Variants in TMEM132D observed in about 807,000 individuals in gnomAD.
The protein encoded by TMEM132D is transmembrane protein 132D.
A neutral mutation model predicts 62.3 loss-of-function variants in TMEM132D; 21 were observed. The ratio of observed to expected loss-of-function variants is 0.34; its 90% CI spans 0.24 to 0.49. TMEM132D has a LOEUF of 0.49. Ranked by LOEUF, TMEM132D falls within the 20% of genes least tolerant of loss-of-function variation. The pLI is 0.99. For synonymous variants in TMEM132D, 621 were observed against 575.6 expected (o/e 1.08, Z -1.13); for missense variants, 1,346 against 1,402.8 (o/e 0.96, Z 0.65).
chr12:129,536,827 C>G (rs1488675258), intron 2 of TMEM132D, among the ~76,000 whole-genome samples: 1 of 152,170 alleles, frequency 6.6e-6, no homozygotes, highest in Non-Finnish European at 1.5e-5. Context: ...TGATATGTTT[C>G]CAACTTCTTT....
chr12:129,286,865 T>A (rs892753970), intron 4 of TMEM132D, among the ~76,000 whole-genome samples: 1 of 152,088 alleles, frequency 6.6e-6, no homozygotes, highest in Non-Finnish European at 1.5e-5. Flanking sequence ...CAGGCCAACA[T>A]GGTGAAACCC....
intron 3 of TMEM132D, among the ~76,000 whole-genome samples, chr12:129,351,624 A>G (rs1869864752): frequency 6.6e-6 from 1 of 152,206 alleles, no homozygotes; most frequent in Admixed American, 6.5e-5. Context: ...CCATTGCTGC[A>G]CTATCAGTCA....
At chr12:129,363,688 A>C (rs1224027043) in intron 3 of TMEM132D, among the ~76,000 whole-genome samples, 1 of 152,210 alleles carries the variant, frequency 6.6e-6, no homozygotes, top group Non-Finnish European at 1.5e-5. Flanking sequence ...ATCAATACAT[A>C]ATTGTGTTTC....
At chr12:129,403,647 C>A (rs1261572545) in intron 3 of TMEM132D, among the ~76,000 whole-genome samples, 1 of 152,030 alleles carries the variant, frequency 6.6e-6, no homozygotes, top group Non-Finnish European at 1.5e-5. Flanking sequence ...CTACTTTGTG[C>A]CAGGGAAGAA....
At chr12:129,474,080 C>T (rs1012939128) in intron 3 of TMEM132D, among the ~76,000 whole-genome samples, 1 of 152,136 alleles carries the variant, frequency 6.6e-6, no homozygotes, top group African/African-American at 2.4e-5. Flanking sequence ...CTTTCTGTAA[C>T]CCTTCGCCTC....
At chr12:129,285,198 G>T (rs1881258280) in intron 4 of TMEM132D, among the ~76,000 whole-genome samples, 1 of 152,070 alleles carries the variant, frequency 6.6e-6, no homozygotes, top group Non-Finnish European at 1.5e-5. Flanking sequence ...AGACCATCAT[G>T]CAGAAGCAAA....
intron 4 of TMEM132D, among the ~76,000 whole-genome samples, chr12:129,328,179 G>T (rs1868980028): frequency 6.6e-6 from 1 of 152,206 alleles, no homozygotes. Flanking sequence ...TTCCCTCCAT[G>T]ATACCCTGTT....
intron 2 of TMEM132D, among the ~76,000 whole-genome samples, chr12:129,659,950 C>A (rs1050025835): frequency 4.6e-5 from 7 of 152,150 alleles, no homozygotes; most frequent in Non-Finnish European, 1.0e-4. Context: ...CCAGGAGGCA[C>A]TGATGCAGAA....
chr12:129,628,408 C>G (rs1430329889), intron 2 of TMEM132D, among the ~76,000 whole-genome samples: 2 of 152,176 alleles, frequency 1.3e-5, no homozygotes, highest in Admixed American at 6.5e-5. Flanking sequence ...AGCCAGGACA[C>G]CTGGGATGTC....
In TMEM132D at chr12:129,269,419, C is replaced by T. The variant is rs534608490; in HGVS notation, c.1300-59756G>A. On this transcript the variant is annotated intron_variant, in intron 4 of 8. Coordinates refer to ENST00000422113, the MANE Select transcript of TMEM132D (RefSeq NM_133448.3). ...TCCCTTCCCCTTCCCTTCCTTCTTC[C>T]TTCCTTCCATCTCCCCTGTTAGATT... 3.6e-4 allele frequency among the ~76,000 whole-genome samples: 55 copies of T among 152,098 alleles called. 1 individual carries two copies. Among genetic ancestry groups the T allele is most frequent in the African/African-American group, 1.3e-3 (52 of 41,474 alleles).
At chr12:129,226,470 G>C (rs1281611645) in intron 4 of TMEM132D, among the ~76,000 whole-genome samples, 1 of 152,206 alleles carries the variant, frequency 6.6e-6, no homozygotes, top group Non-Finnish European at 1.5e-5. Context: ...ACCAGACCTT[G>C]GCCCAGACAA....
At chr12:129,514,958 G>T (rs1052314904) in intron 3 of TMEM132D, among the ~76,000 whole-genome samples, 1 of 152,256 alleles carries the variant, frequency 6.6e-6, no homozygotes, top group East Asian at 1.9e-4. Flanking sequence ...GCCTATAATA[G>T]AATTGCTCTT....
chr12:129,371,535 T>TATGATGATG lies in TMEM132D; in HGVS notation c.1116-33727_1116-33719dup, dbSNP rs558922183. On this transcript the variant is annotated intron_variant, in intron 3 of 8. Transcript: ENST00000422113. This position sits in a 1 kb window ranked among gnomAD's most constrained non-coding sequence, Gnocchi z 4.3. ...TAATGGTGGTGATTATGATGATGAT[T>TATGATGATG]ATGATGATGATGATGATGATGGCGA... 6.6e-6 allele frequency among the ~76,000 whole-genome samples: 1 copy of TATGATGATG among 150,794 alleles called. No homozygotes were observed. The highest frequency in any genetic ancestry group is 2.1e-4 in the South Asian group (1 of 4,734).
intron 3 of TMEM132D, among the ~76,000 whole-genome samples, chr12:129,491,604 A>T (rs2137060691): frequency 6.6e-6 from 1 of 152,320 alleles, no homozygotes; most frequent in Non-Finnish European, 1.5e-5. Context: ...CCAGCATTTG[A>T]AGAGGAGATA....
Position 129,084,517 on chromosome 12 carries a change from C to T in TMEM132D, c.1629G>A (p.Val543=). ...CCCACCTCCTGCTGGAGACGATGGG[C>T]ACTCTCCAACCCTTGATCTGATTGA... ...TELNQIKGWR[V]PIVSSRRPAG... is the part of the protein sequence containing the mutation. Residue 543 remains valine, a synonymous_variant, in exon 6 of 9, where the codon GTG becomes GTA. Coordinates refer to ENST00000422113, the MANE Select transcript of TMEM132D (RefSeq NM_133448.3). The T allele has an allele frequency of 6.2e-7, 1 of 1,603,988 alleles. No homozygotes were observed. The highest frequency in any genetic ancestry group is 8.5e-7 in the Non-Finnish European group (1 of 1,175,180).
chr12:129,617,440 G>A (rs186463819), intron 2 of TMEM132D, among the ~76,000 whole-genome samples: 1 of 152,208 alleles, frequency 6.6e-6, no homozygotes. Flanking sequence ...AGTCCATTCT[G>A]CCCACTTTAA....
chr12:129,558,450 G>A (rs1302247731), intron 2 of TMEM132D, among the ~76,000 whole-genome samples: 1 of 152,152 alleles, frequency 6.6e-6, no homozygotes, highest in Non-Finnish European at 1.5e-5. Context: ...TGGCAAGCAA[G>A]GGGTAAGGAT....
At chr12:129,151,149 C>T (rs1458187844) in intron 5 of TMEM132D, among the ~76,000 whole-genome samples, 1 of 152,162 alleles carries the variant, frequency 6.6e-6, no homozygotes, top group African/African-American at 2.4e-5. Flanking sequence ...ACTATCGAAG[C>T]CTTTGTCCTA....
intron 5 of TMEM132D, among the ~76,000 whole-genome samples, chr12:129,174,182 G>A (rs929926331): frequency 3.9e-5 from 6 of 152,110 alleles, no homozygotes; most frequent in Non-Finnish European, 8.8e-5. Context: ...TGTGTGCCAT[G>A]GTGGTCTGCT....
Sources: allele counts gnomAD v4.1 joint callset (sites outside exome capture counted in the v4.1 genomes callset), GRCh38; gene constraint gnomAD v4.1.1; non-coding constraint Gnocchi (gnomAD v3.1); transcripts MANE v1.5; gene names NCBI Gene and HGNC (gene_info 2026-07-23, HGNC 2026-07-21).